The following STX17 variants were observed in gnomAD, a reference collection of about 807,000 sequenced individuals.
STX17 encodes syntaxin 17, also known as syntaxin-17.
STX17 carries 29 observed loss-of-function variants against 35.9 expected under a neutral mutation model. The ratio of observed to expected loss-of-function variants is 0.81; its 90% CI spans 0.60 to 1.10. The LOEUF is 1.10. STX17 is among the 50% of genes least tolerant of loss of function. The pLI is 0.00. For missense variants in STX17, 312 were observed against 352.3 expected, an observed-to-expected ratio of 0.89 and a Z score of 0.92; for synonymous variants, 92 against 118.3, an observed-to-expected ratio of 0.78 and a Z score of 1.44.
intron 2 of STX17, among the ~76,000 whole-genome samples, chr9:99,924,845 A>G (rs560139192): frequency 6.6e-6 from 1 of 151,622 alleles, no homozygotes; most frequent in East Asian, 1.9e-4. Context: ...AGACATCCTT[A>G]CCTTCTTCCC....
intron 2 of STX17, among the ~76,000 whole-genome samples, chr9:99,922,596 ATGTG>A (rs1213661641): frequency 1.3e-5 from 2 of 152,214 alleles, no homozygotes; most frequent in Non-Finnish European, 2.9e-5. Context: ...TGTGTCCCAC[ATGTG>A]TAGTCCTAAA....
chr9:99,952,693 T>C (rs1829627036), intron 4 of STX17, among the ~76,000 whole-genome samples: 1 of 152,134 alleles, frequency 6.6e-6, no homozygotes, highest in Non-Finnish European at 1.5e-5. Context: ...TGGAATACTA[T>C]GCAGCCATAA....
intron 2 of STX17, among the ~76,000 whole-genome samples, chr9:99,918,899 G>A (rs191329105): frequency 2.0e-4 from 30 of 152,274 alleles, no homozygotes; most frequent in African/African-American, 7.0e-4. Context: ...TGAGGAGCTT[G>A]GAGGGGTGGA....
At chr9:99,909,345 A>G (rs1239684380) in intron 1 of STX17, among the ~76,000 whole-genome samples, 1 of 152,234 alleles carries the variant, frequency 6.6e-6, no homozygotes, top group African/African-American at 2.4e-5. Flanking sequence ...ATATTGTGCT[A>G]TTTGACTAGA....
At chr9:99,959,296 A>G (rs1240198559) in intron 4 of STX17, among the ~76,000 whole-genome samples, 1 of 152,042 alleles carries the variant, frequency 6.6e-6, no homozygotes, top group Admixed American at 6.6e-5. Context: ...TAATTCTAGC[A>G]TTTTGGGAAG....
At chr9:99,922,885 G>A (rs1179737661) in intron 2 of STX17, among the ~76,000 whole-genome samples, 1 of 152,158 alleles carries the variant, frequency 6.6e-6, no homozygotes, top group Non-Finnish European at 1.5e-5. Context: ...TTCTTCCCAA[G>A]GTCTGGGCAG....
In STX17 at chr9:99,973,504, G is replaced by A. The variant is rs1047318851; in HGVS notation, c.*4831G>A. Among the ~76,000 whole-genome samples the A allele has an allele frequency of 6.6e-6, 1 of 152,052 alleles. No individual in the cohort carries two copies. The highest frequency in any genetic ancestry group is 2.4e-5 in the African/African-American group (1 of 41,408). On this transcript the variant is annotated 3_prime_UTR_variant, in exon 8 of 8. Coordinates refer to ENST00000259400, the MANE Select transcript of STX17 (RefSeq NM_017919.3). ...TTGTAGCAGGATTTTTTAAATCAGG[G>A]GCAGCTCTCTTCTCCCATCCCAGCC...
chr9:99,924,411 T>G (rs1010678850), intron 2 of STX17, among the ~76,000 whole-genome samples: 3 of 151,870 alleles, frequency 2.0e-5, no homozygotes, highest in African/African-American at 7.3e-5. Context: ...TATATATATG[T>G]AATATTTATA....
chr9:99,965,579 A>G (rs566548412), intron 6 of STX17, among the ~76,000 whole-genome samples: 62 of 152,278 alleles, frequency 4.1e-4, no homozygotes, highest in African/African-American at 1.4e-3. Context: ...AATAGAAACA[A>G]TGATAGGGTG....
rs1480664017 is a variant in STX17 at position 99,910,030 on chromosome 9, C to T, written c.-63+3324C>T. ...GGTGGATCACCTGAGGTCGGGAGTT[C>T]GAGACCAGCCTGGCCAACATGGTGA... On this transcript the variant is annotated intron_variant, in intron 1 of 7. Transcript: ENST00000259400. Among the ~76,000 whole-genome samples the T allele has an allele frequency of 3.3e-5, 5 of 152,016 alleles. No homozygotes were observed. The South Asian group carries it at 6.2e-4, about 19-fold the overall frequency.
intron 3 of STX17, among the ~76,000 whole-genome samples, chr9:99,935,182 T>C (rs977603160): frequency 3.3e-5 from 5 of 151,710 alleles, no homozygotes; most frequent in African/African-American, 1.2e-4. Context: ...TACAAAAAAT[T>C]AGCCGGATGT....
chr9:99,916,060 T>C (rs1365490918), intron 2 of STX17: 1 of 455,978 alleles, frequency 2.2e-6, no homozygotes, highest in Admixed American at 2.4e-5. Flanking sequence ...TATACATACA[T>C]TAAAGAAGTA....
At chr9:99,965,716 C>T (rs991364873) in intron 6 of STX17, among the ~76,000 whole-genome samples, 2 of 152,072 alleles carry the variant, frequency 1.3e-5, no homozygotes, top group Non-Finnish European at 2.9e-5. Context: ...TGAATGAATG[C>T]TAAAAGATAC....
At chr9:99,938,761 T>A (rs1881751) in intron 3 of STX17, among the ~76,000 whole-genome samples, 11 of 143,684 alleles carry the variant, frequency 7.7e-5, no homozygotes, top group Non-Finnish European at 1.2e-4. Context: ...CACTCCAGCC[T>A]GGGTGACAGT....
intron 7 of STX17, 111 bp from the exon 8 acceptor site, chr9:99,968,323 T>G: frequency 7.4e-7 from 1 of 1,350,788 alleles, no homozygotes; most frequent in Non-Finnish European, 9.9e-7. Context: ...AGGTTAATTA[T>G]GTACCAAGAG....
rs1830015681 is a variant in STX17 at position 99,971,597 on chromosome 9, A to G, written c.*2924A>G. ...TTCACCAGGCATTTTACAAGTAAGG[A>G]AACTGGGCTTCAGAGAAAATAATTT... On this transcript the variant is annotated 3_prime_UTR_variant, in exon 8 of 8. Transcript: ENST00000259400. Among the ~76,000 whole-genome samples the G allele has an allele frequency of 6.6e-6, 1 of 152,186 alleles. No individual in the cohort carries two copies. The highest frequency in any genetic ancestry group is 1.5e-5 in the Non-Finnish European group (1 of 68,044).
chr9:99,965,056 G>A (rs1407413407), intron 6 of STX17, among the ~76,000 whole-genome samples: 1 of 152,074 alleles, frequency 6.6e-6, no homozygotes, highest in Non-Finnish European at 1.5e-5. Context: ...CCATATCTTA[G>A]CATGCTTTCT....
chr9:99,956,953 A>G (rs1057478329), intron 4 of STX17, among the ~76,000 whole-genome samples: 1 of 152,224 alleles, frequency 6.6e-6, no homozygotes, highest in Non-Finnish European at 1.5e-5. Context: ...GGAGTAGATC[A>G]GATGCCACAT....
intron 3 of STX17, among the ~76,000 whole-genome samples, chr9:99,950,233 T>A (rs1051295964): frequency 1.4e-4 from 21 of 151,910 alleles, no homozygotes; most frequent in Admixed American, 1.4e-3. Flanking sequence ...AACAGTGAGA[T>A]GACATGCAGG....
Sources: gnomAD v4.1 joint callset for allele counts (sites outside exome capture counted in the v4.1 genomes callset) on GRCh38, gnomAD v4.1.1 for gene constraint, MANE v1.5 for transcripts, NCBI Gene and HGNC (gene_info 2026-07-23, HGNC 2026-07-21) for gene names.